Variants in PTPRT observed in about 807,000 individuals in gnomAD.
PTPRT encodes the protein receptor-type tyrosine-protein phosphatase T.
In PTPRT, 56 loss-of-function variants were observed where a neutral mutation model predicts 176.8. The observed-to-expected ratio is 0.32, with a 90% CI of 0.26 to 0.40. PTPRT has a LOEUF of 0.40. PTPRT is among the 10% of genes least tolerant of loss of function. The probability of loss-of-function intolerance (pLI) is 1.00; values close to 1 mark genes in which losing one functional copy is unlikely to be tolerated. For missense variants in PTPRT, 1,540 were observed against 1,908.2 expected (o/e 0.81, Z 3.60); for synonymous variants, 783 against 739.0 (o/e 1.06, Z -0.96).
chr20:42,883,674 C>T (rs1779229876), intron 2 of PTPRT, among the ~76,000 whole-genome samples: 4 of 150,298 alleles, frequency 2.7e-5, no homozygotes, highest in Admixed American at 1.3e-4. Flanking sequence ...CCCATACAAA[C>T]ACACGGACAC....
At chr20:42,220,104 T>G (rs2055852883) in intron 15 of PTPRT, among the ~76,000 whole-genome samples, 1 of 152,058 alleles carries the variant, frequency 6.6e-6, no homozygotes, top group Non-Finnish European at 1.5e-5. Flanking sequence ...AATGAACAAT[T>G]AGAATCTGAA....
Position 42,411,117 on chromosome 20 carries a change from T to A in PTPRT, c.1560+37103A>T, listed in dbSNP as rs565163778. Among the ~76,000 whole-genome samples, 9 of 152,140 alleles carry A rather than the reference T, an allele frequency of 5.9e-5. No homozygotes were observed. In the South Asian group the frequency reaches 1.7e-3, roughly 28 times the overall value. On this transcript the variant is annotated intron_variant, in intron 9 of 30. Coordinates refer to ENST00000373187, the MANE Select transcript of PTPRT (RefSeq NM_007050.6). ...AGTGAACTTGAATATAGAAAACTAA[T>A]GAAAACAAATGGTAAAATCAAAAGC... is the stretch of plus-strand genomic sequence containing the variant.
At chr20:43,147,573 A>G (rs1378353425) in intron 1 of PTPRT, among the ~76,000 whole-genome samples, 1 of 152,194 alleles carries the variant, frequency 6.6e-6, no homozygotes. Context: ...ATTATGACCA[A>G]CAGAGGTAAA....
At chr20:42,668,858 ATTT>A (rs755121515) in intron 7 of PTPRT, among the ~76,000 whole-genome samples, 2,296 of 81,290 alleles carry the variant, frequency 0.028, 50 homozygotes, top group African/African-American at 0.1. Flanking sequence ...CGCCCAGCTA[ATTT>A]TTTTTTTTTT....
chr20:42,756,067 G>C (rs567792364), intron 6 of PTPRT, among the ~76,000 whole-genome samples: 1 of 152,278 alleles, frequency 6.6e-6, no homozygotes, highest in East Asian at 1.9e-4. Flanking sequence ...TCATTGTATT[G>C]AGTTTTCAAT....
intron 6 of PTPRT, among the ~76,000 whole-genome samples, chr20:42,740,195 C>T (rs975481826): frequency 6.6e-6 from 1 of 152,188 alleles, no homozygotes; most frequent in Non-Finnish European, 1.5e-5. Flanking sequence ...TGGCCCCCAA[C>T]TTATCCCATC....
At chr20:42,515,353 T>C (rs1238111968) in intron 7 of PTPRT, among the ~76,000 whole-genome samples, 1 of 151,982 alleles carries the variant, frequency 6.6e-6, no homozygotes, top group Non-Finnish European at 1.5e-5. Context: ...TGTGGTGGCA[T>C]GTGCCCGTAA....
At chr20:42,888,322 AGT>A (rs1218903794) in intron 1 of PTPRT, among the ~76,000 whole-genome samples, 1 of 150,772 alleles carries the variant, frequency 6.6e-6, no homozygotes, top group Non-Finnish European at 1.5e-5. Flanking sequence ...TAATATATAA[AGT>A]GTGTCATACC....
intron 23 of PTPRT, among the ~76,000 whole-genome samples, chr20:42,109,493 CATA>C (rs2146285747): frequency 6.6e-6 from 1 of 152,326 alleles, no homozygotes; most frequent in East Asian, 1.9e-4. Flanking sequence ...ATCTCTTCTT[CATA>C]ATAAGGTAAA....
chr20:42,274,764 T>C (rs1225584321), intron 13 of PTPRT, among the ~76,000 whole-genome samples: 1 of 152,154 alleles, frequency 6.6e-6, no homozygotes, highest in Non-Finnish European at 1.5e-5. Context: ...AGCTTCAATA[T>C]GTTGTGGAAG....
chr20:42,305,171 G>A lies in PTPRT; in HGVS notation c.2139+10552C>T, dbSNP rs58436214. Among the ~76,000 whole-genome samples the A allele has an allele frequency of 1.3e-3, 195 of 152,040 alleles. 3 individuals carry two copies. In the East Asian group the frequency reaches 0.036, roughly 28 times the overall value. On this transcript the variant is annotated intron_variant, in intron 12 of 30. Coordinates refer to ENST00000373187, the MANE Select transcript of PTPRT (RefSeq NM_007050.6). ...AGTTCGAGACCAGCTTGGTCAACAT[G>A]GTGAAAACCCATCTCTGCTAAAAAT...
chr20:42,852,411 C>T (rs187658357), intron 2 of PTPRT, among the ~76,000 whole-genome samples: 2 of 152,164 alleles, frequency 1.3e-5, no homozygotes, highest in African/African-American at 2.4e-5. Flanking sequence ...TTTCTTTGCT[C>T]TATATATTAC....
At chr20:43,116,785 A>G (rs953198714) in intron 1 of PTPRT, among the ~76,000 whole-genome samples, 1 of 152,200 alleles carries the variant, frequency 6.6e-6, no homozygotes, top group Admixed American at 6.5e-5. Context: ...TACATTTGCA[A>G]CAGGTGCACA....
intron 16 of PTPRT, among the ~76,000 whole-genome samples, chr20:42,182,163 G>A (rs768699713): frequency 8.5e-5 from 13 of 152,156 alleles, no homozygotes; most frequent in Non-Finnish European, 1.5e-4. Context: ...TAAAGATGCT[G>A]ACAGAAGTCA....
chr20:42,963,317 C>T (rs1982110116), intron 1 of PTPRT, among the ~76,000 whole-genome samples: 1 of 151,934 alleles, frequency 6.6e-6, no homozygotes, highest in Non-Finnish European at 1.5e-5. Context: ...ACCCAGGAGG[C>T]AGTAAGCCGA....
At chr20:42,375,507 A>C (rs928141026) in intron 9 of PTPRT, among the ~76,000 whole-genome samples, 2 of 152,148 alleles carry the variant, frequency 1.3e-5, no homozygotes, top group South Asian at 2.1e-4. Flanking sequence ...CATGGCATTC[A>C]AAGTGTCCTC....
At chr20:43,129,937 G>GA (rs2013593095) in intron 1 of PTPRT, among the ~76,000 whole-genome samples, 1 of 152,196 alleles carries the variant, frequency 6.6e-6, no homozygotes, top group African/African-American at 2.4e-5. Context: ...CTTTTCGGGA[G>GA]ATTTTGTAAC....
At chr20:43,096,781 C>T (rs970161568) in intron 1 of PTPRT, among the ~76,000 whole-genome samples, 1 of 152,214 alleles carries the variant, frequency 6.6e-6, no homozygotes, top group Non-Finnish European at 1.5e-5. Flanking sequence ...TCACAGTCCT[C>T]ATGTGGGGAC....
intron 2 of PTPRT, among the ~76,000 whole-genome samples, chr20:42,839,106 G>A (rs2078232423): frequency 6.6e-6 from 1 of 152,132 alleles, no homozygotes; most frequent in Admixed American, 6.5e-5. Context: ...GATCTGTTGG[G>A]CAGAAGAAGG....
Sources: gnomAD v4.1 joint callset for allele counts (sites outside exome capture counted in the v4.1 genomes callset) on GRCh38, gnomAD v4.1.1 for gene constraint, MANE v1.5 for transcripts, NCBI Gene and HGNC (gene_info 2026-07-23, HGNC 2026-07-21) for gene names.